The following GRIK4 variants were observed in gnomAD, a reference collection of about 807,000 sequenced individuals.
GRIK4 encodes the protein glutamate receptor ionotropic, kainate 4.
Under a neutral mutation model 104.9 loss-of-function variants are expected in GRIK4, and 40 were observed. That is an observed-to-expected ratio of 0.38 (90% CI 0.30 to 0.50). The LOEUF (loss-of-function observed/expected upper bound fraction) is 0.50. Among genes scored for constraint, GRIK4 ranks in the 20% least tolerant of loss-of-function variants. GRIK4 has a pLI of 0.93. For missense variants in GRIK4, 1,047 were observed against 1,308.1 expected, an observed-to-expected ratio of 0.80 and a Z score of 3.08; for synonymous variants, 485 against 524.9, an observed-to-expected ratio of 0.92 and a Z score of 1.04.
At chr11:120,537,089 C>T (rs893207934) in intron 1 of GRIK4, among the ~76,000 whole-genome samples, 25 of 152,156 alleles carry the variant, frequency 1.6e-4, no homozygotes, top group African/African-American at 5.1e-4. Flanking sequence ...GCAAGGGAGC[C>T]GAGACCTGTT....
At position 120,687,969 on chromosome 11, in the gene GRIK4, G is replaced by A. The variant is rs555782255; in HGVS notation, c.82+27569G>A. ...TTCAGAATTCTGTAAATGACTTAAG[G>A]AGAAAATTGGGACCCTATATTTGAG... On this transcript the variant is annotated intron_variant, in intron 3 of 20. Transcript: ENST00000527524. Among the ~76,000 whole-genome samples the A allele has an allele frequency of 2.0e-5, 3 of 152,208 alleles. No individual in the cohort carries two copies. In the East Asian group the frequency reaches 5.8e-4, roughly 29 times the overall value.
chr11:120,907,779 G>GGGAA (rs1428683893), intron 13 of GRIK4, among the ~76,000 whole-genome samples: 1 of 152,118 alleles, frequency 6.6e-6, no homozygotes, highest in African/African-American at 2.4e-5. Flanking sequence ...GGGCTGTAGG[G>GGGAA]GGAAGGCTTC....
At chr11:120,668,539 C>T (rs190157194) in intron 3 of GRIK4, among the ~76,000 whole-genome samples, 19 of 152,296 alleles carry the variant, frequency 1.2e-4, no homozygotes, top group South Asian at 8.3e-4. Flanking sequence ...TCAACCTGAA[C>T]GGGGTTGACT....
At chr11:120,523,459 G>C (rs2136075420) in intron 1 of GRIK4, among the ~76,000 whole-genome samples, 1 of 152,176 alleles carries the variant, frequency 6.6e-6, no homozygotes, top group African/African-American at 2.4e-5. Context: ...CTGGGCTTTA[G>C]GGGTGGAGGA....
intron 3 of GRIK4, among the ~76,000 whole-genome samples, chr11:120,707,040 A>C (rs1225371456): frequency 6.6e-6 from 1 of 152,204 alleles, no homozygotes; most frequent in Non-Finnish European, 1.5e-5. Context: ...CTCCTGGGAC[A>C]ACCACACAGA....
rs757328295 is a variant in GRIK4 at position 120,819,837 on chromosome 11, A to T, written c.428A>T (p.Asn143Ile). The T allele has an allele frequency of 6.2e-7, 1 of 1,614,072 alleles. No individual in the cohort carries two copies. The highest frequency in any genetic ancestry group is 8.5e-7 in the Non-Finnish European group (1 of 1,179,968). The change falls in exon 6 of 21, where the codon AAC becomes ATC. Residue 143 changes from asparagine (N) to isoleucine (I), a missense_variant. Physicochemically the swap from Asn to Ile is moderately radical, Grantham distance 149. This residue lies in a region of GRIK4 where 447 missense variants were observed against 514.9 expected (regional missense o/e 0.87). Coordinates refer to ENST00000527524, the MANE Select transcript of GRIK4 (RefSeq NM_014619.5). The surrounding 1 kb of genome is among the most constrained non-coding windows in gnomAD (Gnocchi z 4.3). ...ACAACCCTGAACCTCCACCCCAGCAACACTGACATCAGCGTGGCTGTAGCT... is the reference window on the plus strand; with the variant it reads ...ACAACCCTGAACCTCCACCCCAGCATCACTGACATCAGCGTGGCTGTAGCT... The part of the protein sequence containing the change: ...RFTTLNLHPS[N>I]TDISVAVAGI...
intron 3 of GRIK4, among the ~76,000 whole-genome samples, chr11:120,716,905 G>C (rs1357356033): frequency 6.6e-6 from 1 of 152,198 alleles, no homozygotes; most frequent in East Asian, 1.9e-4. Flanking sequence ...TATCAGCTCA[G>C]GGCCCTGGTA....
intron 3 of GRIK4, among the ~76,000 whole-genome samples, chr11:120,724,634 C>T (rs186259297): frequency 4.5e-4 from 69 of 152,250 alleles, no homozygotes; most frequent in African/African-American, 1.4e-3. Context: ...TCTGCTGGAC[C>T]TTCATGTAAG....
intron 8 of GRIK4, among the ~76,000 whole-genome samples, chr11:120,840,589 G>A (rs1294693946): frequency 2.0e-5 from 3 of 152,202 alleles, no homozygotes; most frequent in East Asian, 3.8e-4. Context: ...CAACTATGAG[G>A]AAGTAAGTCC....
At chr11:120,658,173 CTTATAT>C (rs1165199222) in intron 2 of GRIK4, among the ~76,000 whole-genome samples, 2 of 150,456 alleles carry the variant, frequency 1.3e-5, no homozygotes, top group Non-Finnish European at 2.9e-5. Flanking sequence ...TTTGCTAAAT[CTTATAT>C]TTATGAGATT....
intron 3 of GRIK4, among the ~76,000 whole-genome samples, chr11:120,758,190 C>T (rs1951685269): frequency 6.6e-6 from 1 of 152,174 alleles, no homozygotes; most frequent in Non-Finnish European, 1.5e-5. Context: ...CCCTACACCC[C>T]TCTCTTTCAC....
chr11:120,774,358 A>G (rs926023818), intron 3 of GRIK4, among the ~76,000 whole-genome samples: 1 of 152,122 alleles, frequency 6.6e-6, no homozygotes. Context: ...GTGGAGAGAG[A>G]GATTGAGACT....
intron 7 of GRIK4, among the ~76,000 whole-genome samples, chr11:120,833,663 T>C (rs1953496850): frequency 6.6e-6 from 1 of 152,228 alleles, no homozygotes; most frequent in African/African-American, 2.4e-5. Flanking sequence ...ATAGCATTAC[T>C]AGTTCATTGT....
At chr11:120,659,675 C>T (rs1255797299) in intron 2 of GRIK4, among the ~76,000 whole-genome samples, 9 of 152,222 alleles carry the variant, frequency 5.9e-5, no homozygotes, top group African/African-American at 1.9e-4. Context: ...ACCCTCCCAA[C>T]TCTCCCATCC....
intron 1 of GRIK4, among the ~76,000 whole-genome samples, chr11:120,634,290 C>T (rs1010894954): frequency 6.6e-6 from 1 of 152,160 alleles, no homozygotes; most frequent in Admixed American, 6.5e-5. Context: ...TGACAGCTAA[C>T]GTGTGCTGAG....
chr11:120,859,908 G>A (rs1423510277), intron 8 of GRIK4, among the ~76,000 whole-genome samples: 1 of 152,210 alleles, frequency 6.6e-6, no homozygotes, highest in African/African-American at 2.4e-5. Flanking sequence ...CCTCCAGTTT[G>A]CACGTGTAAG....
chr11:120,792,831 A>G (rs757884618), intron 3 of GRIK4, among the ~76,000 whole-genome samples: 35 of 152,156 alleles, frequency 2.3e-4, no homozygotes, highest in Non-Finnish European at 4.4e-4. Flanking sequence ...GCTGTTGGAT[A>G]TAAGTAAAGC....
intron 1 of GRIK4, among the ~76,000 whole-genome samples, chr11:120,553,756 C>G (rs1445471072): frequency 6.6e-6 from 1 of 152,138 alleles, no homozygotes. Flanking sequence ...CAGACTGCAG[C>G]ACTGCTGGAT....
rs1944140297 is a variant in GRIK4 at position 120,956,096 on chromosome 11, G to A, written c.1701-684G>A. Among the ~76,000 whole-genome samples, 1 of 152,104 alleles carries A rather than the reference G, an allele frequency of 6.6e-6. No homozygotes were observed. Among genetic ancestry groups the A allele is most frequent in the African/African-American group, 2.4e-5 (1 of 41,424 alleles). ...GAGGGTCTTCAAACCGTGGTTCTAA[G>A]GGACACTAATATCTCTCTCATCACC... On this transcript the variant is annotated intron_variant, in intron 15 of 20. Transcript: ENST00000527524. The surrounding 1 kb of genome is among the most constrained non-coding windows in gnomAD (Gnocchi z 4.6).
Sources: gnomAD v4.1 joint callset for allele counts (sites outside exome capture counted in the v4.1 genomes callset) on GRCh38, gnomAD v4.1.1 for gene constraint, gnomAD v4.1.1 regional missense constraint, Gnocchi (gnomAD v3.1) non-coding constraint, MANE v1.5 for transcripts, NCBI Gene and HGNC (gene_info 2026-07-23, HGNC 2026-07-21) for gene names.